The following CHD4 variants were observed in gnomAD, a reference collection of about 807,000 sequenced individuals.
CHD4 encodes ATP-dependent chromatin remodeler CHD4.
CHD4 carries 35 observed loss-of-function variants against 235.5 expected under a neutral mutation model. That is an observed-to-expected ratio of 0.15 (90% CI 0.11 to 0.20). The LOEUF (loss-of-function observed/expected upper bound fraction) is 0.20. Among genes scored for constraint, CHD4 ranks in the 10% least tolerant of loss-of-function variants. The pLI is 1.00. For missense variants in CHD4, 1,329 were observed against 2,432.3 expected, an observed-to-expected ratio of 0.55 and a Z score of 9.54; for synonymous variants, 900 against 850.2, an observed-to-expected ratio of 1.06 and a Z score of -1.02.
At chr12:6,588,247 C>T (rs1240629615) in intron 23 of CHD4, 51 bp downstream of exon 23, 1 of 1,595,878 alleles carries the variant, frequency 6.3e-7, no homozygotes, top group African/African-American at 1.3e-5. Context: ...GCCACTATGC[C>T]TTTCTAGCAT....
chr12:6,595,275 C>T, intron 14 of CHD4, 59 bp downstream of exon 14: 1 of 1,378,522 alleles, frequency 7.3e-7, no homozygotes, highest in Non-Finnish European at 1.0e-6. Flanking sequence ...CATCATTAGA[C>T]TGCAGCAAAG....
Position 6,578,490 on chromosome 12 carries a change from G to A in CHD4, c.5038C>T (p.Pro1680Ser). 1 of 1,613,668 alleles carries A rather than the reference G, an allele frequency of 6.2e-7. No homozygotes were observed. The highest frequency in any genetic ancestry group is 1.1e-5 in the South Asian group (1 of 91,014). Reference sequence around the variant, plus strand: ...TGTTTCTCATCATTCAGGTCCTTGGGGGTCTCTCCATTCTGAAGCATCACC... The same window carrying A: ...TGTTTCTCATCATTCAGGTCCTTGGAGGTCTCTCCATTCTGAAGCATCACC... The part of the protein sequence containing the change: ...KEVMLQNGET[P>S]KDLNDEKQKK... The change falls in exon 35 of 40, where the codon CCC becomes TCC. Residue 1680 changes from proline to serine, a missense_variant. This residue lies in a region of CHD4 where 219 missense variants were observed against 219.3 expected (regional missense o/e 1.00). Transcript: ENST00000544040.
At chr12:6,581,583 G>T (rs763117525) in intron 31 of CHD4, 66 bp downstream of exon 31, 20 of 1,607,500 alleles carry the variant, frequency 1.2e-5, no homozygotes, top group Admixed American at 1.7e-5. Flanking sequence ...ACTGAGCACA[G>T]GGGAGCAGAA....
chr12:6,578,171 G>A (rs763190508), intron 35 of CHD4, 34 bp from the exon 36 acceptor site: 4 of 1,561,186 alleles, frequency 2.6e-6, no homozygotes, highest in Non-Finnish European at 3.5e-6. Flanking sequence ...TGGGGGTGGG[G>A]GGAAGCAAAC....
chr12:6,598,606 C>T (rs1051271676), intron 10 of CHD4, among the ~76,000 whole-genome samples, 181 bp from the exon 11 acceptor site: 4 of 152,128 alleles, frequency 2.6e-5, no homozygotes, highest in Non-Finnish European at 5.9e-5. Context: ...GTCAAGAGAT[C>T]GAGACCATCC....
chr12:6,600,059 C>T (rs1948563020), intron 9 of CHD4, 47 bp from the exon 10 acceptor site: 2 of 1,600,240 alleles, frequency 1.2e-6, no homozygotes, highest in South Asian at 2.3e-5. Context: ...CACCCGCCCA[C>T]CGCAGTCTGA....
rs1210885324 is a variant in CHD4 at position 6,578,470 on chromosome 12, C to G, written c.5058G>C (p.Glu1686Asp). Reference protein sequence around the residue: ...NGETPKDLNDEKQKKNIKQRF... With the variant: ...NGETPKDLNDDKQKKNIKQRF... Reference sequence around the variant, plus strand: ...GTTGTTTAATATTTTTCTTCTGTTTCTCATCATTCAGGTCCTTGGGGGTCT... The same window carrying G: ...GTTGTTTAATATTTTTCTTCTGTTTGTCATCATTCAGGTCCTTGGGGGTCT... The change falls in exon 35 of 40, where the codon GAG (glutamate) becomes GAC (aspartate). Residue 1686 changes from glutamate to aspartate, a missense_variant. By Grantham distance (45) the Glu-to-Asp change is conservative. Transcript: ENST00000544040. The G allele has an allele frequency of 1.2e-6, 2 of 1,613,924 alleles. No individual in the cohort carries two copies. The highest frequency in any genetic ancestry group is 1.7e-6 in the Non-Finnish European group (2 of 1,180,028).
At chr12:6,607,026 A>T (rs2136232197) in intron 1 of CHD4, 1 of 113,182 alleles carries the variant, frequency 8.8e-6, no homozygotes, top group Admixed American at 9.3e-5. Flanking sequence ...CCGGGGGGCA[A>T]GTGATCAAAG....
intron 13 of CHD4, among the ~76,000 whole-genome samples, 186 bp from the exon 14 acceptor site, chr12:6,595,616 C>T (rs555579558): frequency 2.0e-5 from 3 of 152,002 alleles, no homozygotes; most frequent in African/African-American, 2.4e-5. Flanking sequence ...GGTGAAACCC[C>T]GTCTCTACTA....
rs1377802908 is a variant in CHD4, at chr12:6,602,044, C to T, written c.354G>A (p.Lys118=). ...TCTTCTCTTTCTTAGGTCCAAGCTT[C>T]TTCTTCTTCTTCTTGCCAGGAGTAT... ...SDYTPGKKKK[K]KLGPKKEKKS... Residue 118 remains lysine, a synonymous_variant, in exon 4 of 40, where the codon AAG becomes AAA. Transcript: ENST00000544040. The T allele has an allele frequency of 6.2e-7, 1 of 1,612,342 alleles. No homozygotes were observed. The highest frequency in any genetic ancestry group is 2.2e-5 in the East Asian group (1 of 44,832).
intron 2 of CHD4, among the ~76,000 whole-genome samples, chr12:6,605,406 A>G (rs2136229644): frequency 6.6e-6 from 1 of 152,336 alleles, no homozygotes; most frequent in Non-Finnish European, 1.5e-5. Context: ...ATCAACCATC[A>G]TTTGAGGATA....
intron 24 of CHD4, 61 bp from the exon 25 acceptor site, chr12:6,587,620 C>A: frequency 6.2e-7 from 1 of 1,607,284 alleles, no homozygotes; most frequent in African/African-American, 1.3e-5. Flanking sequence ...GTGGAAAAAG[C>A]AAGTCCCACA....
intron 37 of CHD4, among the ~76,000 whole-genome samples, chr12:6,576,586 G>C (rs1361458986): frequency 6.6e-6 from 1 of 152,152 alleles, no homozygotes; most frequent in African/African-American, 2.4e-5. Flanking sequence ...ATTAGCCACT[G>C]TGTCTGCCTC....
At chr12:6,583,496 G>C in intron 25 of CHD4, 118 bp from the exon 26 acceptor site, 1 of 866,358 alleles carries the variant, frequency 1.2e-6, no homozygotes, top group Admixed American at 2.5e-5. Context: ...TTAAATACTT[G>C]GTGTGCCTGT....
intron 8 of CHD4, 52 bp from the exon 9 acceptor site, chr12:6,600,447 C>A (rs567737335): frequency 5.6e-6 from 9 of 1,607,182 alleles, no homozygotes; most frequent in Non-Finnish European, 6.0e-6. Context: ...TACCTCCCCC[C>A]ACCCCCCGAC....
At position 6,580,985 on chromosome 12, in the gene CHD4, G is replaced by T. The variant is rs190390944; in HGVS notation, c.4909+59C>A. ...TCGCGCCACAGCACTCCAGCCTGGC[G>T]GCAGCACTACACTGTCTCAAAACAA... On this transcript the variant is annotated intron_variant, in intron 33 of 39. Transcript: ENST00000544040. 8 of 1,585,340 alleles carry T rather than the reference G, an allele frequency of 5.0e-6. No individual in the cohort carries two copies. The African/African-American group carries it at 9.5e-5, about 19-fold the overall frequency.
intron 25 of CHD4, 136 bp from the exon 26 acceptor site, chr12:6,583,514 TA>T (rs1335299504): frequency 4.1e-6 from 3 of 732,646 alleles, no homozygotes; most frequent in Non-Finnish European, 6.7e-6. Context: ...TGTTTGGACC[TA>T]AGAACTTAGA....
intron 14 of CHD4, 63 bp downstream of exon 14, chr12:6,595,271 T>G: frequency 7.4e-7 from 1 of 1,351,910 alleles, no homozygotes; most frequent in Admixed American, 1.8e-5. Context: ...GTACCATCAT[T>G]AGACTGCAGC....
intron 2 of CHD4, among the ~76,000 whole-genome samples, chr12:6,602,735 CAG>C (rs1378283208): frequency 1.3e-5 from 2 of 152,308 alleles, no homozygotes; most frequent in Middle Eastern, 3.4e-3. Flanking sequence ...GGCAGCTGTC[CAG>C]ACCCCTGCCT....
Sources: gnomAD v4.1 joint callset for allele counts (sites outside exome capture counted in the v4.1 genomes callset) on GRCh38, gnomAD v4.1.1 for gene constraint, gnomAD v4.1.1 regional missense constraint, MANE v1.5 for transcripts, NCBI Gene and HGNC (gene_info 2026-07-23, HGNC 2026-07-21) for gene names.